The following ZFHX3 variants were observed in gnomAD, a reference collection of about 807,000 sequenced individuals.
ZFHX3 encodes zinc finger homeobox 3, also known as zinc finger homeobox protein 3.
ZFHX3 carries 42 observed loss-of-function variants against 279.1 expected under a neutral mutation model. The ratio of observed to expected loss-of-function variants is 0.15; its 90% CI spans 0.12 to 0.19. The LOEUF (loss-of-function observed/expected upper bound fraction) is 0.19, where lower values mean the gene tolerates loss of function less well. Ranked by LOEUF, ZFHX3 falls within the 10% of genes least tolerant of loss-of-function variation. The probability of loss-of-function intolerance (pLI) is 1.00; values close to 1 mark genes in which losing one functional copy is unlikely to be tolerated. For missense variants in ZFHX3, 4,981 were observed against 4,754.0 expected, an observed-to-expected ratio of 1.05 and a Z score of -1.40; for synonymous variants, 2,293 against 1,957.8, an observed-to-expected ratio of 1.17 and a Z score of -4.52.
At chr16:72,939,937 G>C (rs1960328055) in intron 3 of ZFHX3, among the ~76,000 whole-genome samples, 1 of 152,102 alleles carries the variant, frequency 6.6e-6, no homozygotes, top group Non-Finnish European at 1.5e-5. Context: ...ACCACACCCT[G>C]ATAATTTTTT....
chr16:73,062,839 C>T (rs879725746), upstream of ZFHX3, among the ~76,000 whole-genome samples: 1 of 152,168 alleles, frequency 6.6e-6, no homozygotes, highest in Non-Finnish European at 1.5e-5. Flanking sequence ...GAAGAATGTG[C>T]GAGTCCCTTT....
Position 72,796,852 on chromosome 16 carries a change from C to T in ZFHX3, c.5830G>A (p.Ala1944Thr), listed in dbSNP as rs761415382. The T allele has an allele frequency of 2.6e-5, 42 of 1,613,348 alleles. No homozygotes were observed. In the East Asian group the frequency reaches 3.4e-4, roughly 13 times the overall value. ...AAGTTCTCCAGCAGGGCCTTGGTGGCGTTCCCTCTGGCATCTGAAGCAATG... is the reference window on the plus strand; with the variant it reads ...AAGTTCTCCAGCAGGGCCTTGGTGGTGTTCCCTCTGGCATCTGAAGCAATG... Reference protein sequence around the residue: ...PRIASDARGNATKALLENFGF... With the variant: ...PRIASDARGNTTKALLENFGF... The change falls in exon 9 of 10, where the codon GCC becomes ACC. Residue 1944 changes from alanine (A) to threonine (T), a missense_variant. This residue lies in a region of ZFHX3 where 1,751 missense variants were observed against 1,770.0 expected (regional missense o/e 0.99). Transcript: ENST00000268489.
At chr16:73,239,463 G>A (rs1244670132) in intron 5 of ZFHX3, among the ~76,000 whole-genome samples, 1 of 152,224 alleles carries the variant, frequency 6.6e-6, no homozygotes, top group Non-Finnish European at 1.5e-5. Context: ...GTTTCCCTAT[G>A]TTATGCCTCA....
At chr16:73,469,832 G>T (rs2018634461) in intron 2 of ZFHX3, among the ~76,000 whole-genome samples, 1 of 152,054 alleles carries the variant, frequency 6.6e-6, no homozygotes, top group Admixed American at 6.6e-5. Context: ...TGGTCAGCCT[G>T]GTCTCGAACT....
chr16:73,642,950 G>C lies in ZFHX3; in HGVS notation c.-1547+37230C>G, dbSNP rs559885186. 1.9e-3 allele frequency among the ~76,000 whole-genome samples: 296 copies of C among 152,236 alleles called. 1 individual carries two copies. The highest frequency in any genetic ancestry group is 6.5e-3 in the African/African-American group (272 of 41,538). The stretch of plus-strand genomic sequence containing the variant: ...CTTCGAGGAATGGTGGGGTACGATG[G>C]AAAATTATTTCATGCCCTGCACCAA... On this transcript the variant is annotated intron_variant, in intron 2 of 17. Coordinates refer to the ZFHX3 transcript ENST00000641206.
At chr16:73,600,747 C>A (rs1006254319) in intron 2 of ZFHX3, among the ~76,000 whole-genome samples, 14 of 152,068 alleles carry the variant, frequency 9.2e-5, no homozygotes, top group Non-Finnish European at 1.5e-4. Context: ...CATCATGGAT[C>A]TTTGAAATCT....
chr16:73,523,855 G>A (rs908553803), intron 2 of ZFHX3, among the ~76,000 whole-genome samples: 1 of 152,018 alleles, frequency 6.6e-6, no homozygotes, highest in Non-Finnish European at 1.5e-5. Flanking sequence ...TAGAAGCAGA[G>A]GTGGTTAAAA....
intron 1 of ZFHX3, among the ~76,000 whole-genome samples, chr16:73,861,089 G>A (rs1961871342): frequency 6.6e-6 from 1 of 151,008 alleles, no homozygotes; most frequent in African/African-American, 2.4e-5. Context: ...TCAGCCTCCT[G>A]AGTAGCTGAG....
chr16:72,917,128 C>G (rs1004892475), intron 3 of ZFHX3, among the ~76,000 whole-genome samples: 3 of 152,134 alleles, frequency 2.0e-5, no homozygotes, highest in Non-Finnish European at 4.4e-5. Flanking sequence ...ATAGTCCTGG[C>G]TATTCAGGAG....
intron 5 of ZFHX3, among the ~76,000 whole-genome samples, chr16:73,209,994 C>A (rs2011952565): frequency 6.6e-6 from 1 of 152,086 alleles, no homozygotes; most frequent in African/African-American, 2.4e-5. Context: ...CATATGTACA[C>A]ACATTTGTAA....
chr16:72,797,158 G>A lies in ZFHX3; in HGVS notation c.5524C>T (p.Pro1842Ser), dbSNP rs1484845854. 5.6e-6 allele frequency: 9 copies of A among 1,613,822 alleles called. No homozygotes were observed. Residue 1842 changes from proline (P) to serine (S), a missense_variant, in exon 9 of 10, where the codon CCA (proline) becomes TCA (serine). Coordinates refer to ENST00000268489, the MANE Select transcript of ZFHX3 (RefSeq NM_006885.4). The stretch of plus-strand genomic sequence containing the variant: ...AAGATCTGCTGATGGCTCTGCTGTG[G>A]GACCTGAACCTGAGCCTTCAGATCT... ...LEDLKAQVQV[P>S]QQSHQQILPQ... is the part of the protein sequence containing the mutation.
intron 1 of ZFHX3, among the ~76,000 whole-genome samples, chr16:73,780,745 T>A (rs1336437534): frequency 6.6e-6 from 1 of 152,230 alleles, no homozygotes; most frequent in East Asian, 1.9e-4. Flanking sequence ...CCTGGCCTCA[T>A]TGCAGTTGAA....
At chr16:72,974,296 G>C (rs1388060976) in intron 1 of ZFHX3, among the ~76,000 whole-genome samples, 1 of 152,224 alleles carries the variant, frequency 6.6e-6, no homozygotes, top group African/African-American at 2.4e-5. Flanking sequence ...GCTGGACAGA[G>C]GTACGTCCTC....
At chr16:73,823,844 T>C (rs1320894555) in intron 1 of ZFHX3, among the ~76,000 whole-genome samples, 1 of 152,174 alleles carries the variant, frequency 6.6e-6, no homozygotes, top group Admixed American at 6.6e-5. Context: ...AGAAACAAAC[T>C]TGAGCATGTC....
intron 3 of ZFHX3, among the ~76,000 whole-genome samples, chr16:72,906,108 A>T (rs1178200050): frequency 3.9e-5 from 6 of 151,942 alleles, no homozygotes; most frequent in East Asian, 3.9e-4. Flanking sequence ...ACCCCCCGAT[A>T]AGATCCCTCC....
rs1323617539 is a variant in ZFHX3 at position 72,798,089 on chromosome 16, G to A, written c.4593C>T (p.Pro1531=). Residue 1531 remains proline (P), a synonymous_variant, in exon 9 of 10, where the codon CCC becomes CCT. Coordinates refer to ENST00000268489, the MANE Select transcript of ZFHX3 (RefSeq NM_006885.4). ...CTAGGAACTTTTCCATAGTAAAATT[G>A]GGACCTTTTCTGAAAGGCAGAGCTC... ...PKRALPFRKG[P]NFTMEKFLDP... The A allele has an allele frequency of 1.9e-6, 3 of 1,614,092 alleles. No homozygotes were observed.
At chr16:73,369,174 A>T (rs755812668) in intron 3 of ZFHX3, among the ~76,000 whole-genome samples, 12 of 152,190 alleles carry the variant, frequency 7.9e-5, no homozygotes, top group Non-Finnish European at 1.3e-4. Context: ...TTAAGCTAAC[A>T]ACTCCAGGCC....
chr16:73,320,591 AT>A, intron 3 of ZFHX3, among the ~76,000 whole-genome samples: 1 of 152,262 alleles, frequency 6.6e-6, no homozygotes, highest in East Asian at 1.9e-4. Flanking sequence ...AGTGGGTATT[AT>A]TCCAACAGCC....
At chr16:72,890,970 C>T (rs2038758841) in intron 3 of ZFHX3, among the ~76,000 whole-genome samples, 1 of 152,196 alleles carries the variant, frequency 6.6e-6, no homozygotes. Flanking sequence ...AGGTAATAGC[C>T]TCTGGTCATC....
Sources: gnomAD v4.1 joint callset for allele counts (sites outside exome capture counted in the v4.1 genomes callset) on GRCh38, gnomAD v4.1.1 for gene constraint, gnomAD v4.1.1 regional missense constraint, MANE v1.5 for transcripts, NCBI Gene and HGNC (gene_info 2026-07-23, HGNC 2026-07-21) for gene names.